The following COL23A1 variants were observed in gnomAD, a reference collection of about 807,000 sequenced individuals.
COL23A1 encodes collagen type XXIII alpha 1 chain.
A neutral mutation model predicts 99.3 loss-of-function variants in COL23A1; 97 were observed. The ratio of observed to expected loss-of-function variants is 0.98; its 90% CI spans 0.83 to 1.16. The LOEUF (loss-of-function observed/expected upper bound fraction) is 1.16. Among genes scored for constraint, COL23A1 ranks in the 50% most tolerant of loss-of-function variants. COL23A1 has a pLI of 0.00. For synonymous variants in COL23A1, 320 were observed against 308.2 expected, an observed-to-expected ratio of 1.04 and a Z score of -0.40; for missense variants, 762 against 757.4, an observed-to-expected ratio of 1.01 and a Z score of -0.07.
At chr5:178,349,788 G>A (rs992316737) in intron 2 of COL23A1, among the ~76,000 whole-genome samples, 1 of 152,204 alleles carries the variant, frequency 6.6e-6, no homozygotes, top group African/African-American at 2.4e-5. Context: ...GGGTGAGAGT[G>A]GGGGGAGGTC....
intron 1 of COL23A1, among the ~76,000 whole-genome samples, chr5:178,585,270 C>A (rs903090285): frequency 3.3e-5 from 5 of 152,148 alleles, no homozygotes; most frequent in Non-Finnish European, 5.9e-5. Flanking sequence ...CAGAAACATT[C>A]CATGGCCCCA....
At chr5:178,350,554 C>T (rs954440610) in intron 2 of COL23A1, among the ~76,000 whole-genome samples, 9 of 152,194 alleles carry the variant, frequency 5.9e-5, no homozygotes, top group Admixed American at 3.9e-4. Flanking sequence ...GCACAGGTAG[C>T]GTGTGGCTGC....
intron 2 of COL23A1, among the ~76,000 whole-genome samples, chr5:178,467,982 T>A (rs1252164842): frequency 6.6e-6 from 1 of 152,044 alleles, no homozygotes; most frequent in Non-Finnish European, 1.5e-5. Context: ...CTGACACCAC[T>A]GAGAAGGAAC....
chr5:178,459,622 C>T (rs1176404561), intron 2 of COL23A1, among the ~76,000 whole-genome samples: 2 of 152,066 alleles, frequency 1.3e-5, no homozygotes, highest in South Asian at 4.2e-4. Context: ...CTTAGTCGGG[C>T]GTGGTGGCGT....
At position 178,387,814 on chromosome 5, in the gene COL23A1, TCC is replaced by T. The variant is rs1271729907; in HGVS notation, c.362-80897_362-80896del. ...GCTTGCGGAGTTTCCCACTCCTCTG[TCC>T]CCCAGCTTTTATACTCAGGAAGGAA... On this transcript the variant is annotated intron_variant, in intron 2 of 28. Transcript: ENST00000390654. The surrounding 1 kb of genome is among the most constrained non-coding windows in gnomAD (Gnocchi z 4.7). 6.6e-6 allele frequency among the ~76,000 whole-genome samples: 1 copy of T among 152,036 alleles called. No individual in the cohort carries two copies. The highest frequency in any genetic ancestry group is 1.5e-5 in the Non-Finnish European group (1 of 68,010).
At chr5:178,403,987 T>C (rs1764614051) in intron 2 of COL23A1, among the ~76,000 whole-genome samples, 1 of 152,102 alleles carries the variant, frequency 6.6e-6, no homozygotes, top group Non-Finnish European at 1.5e-5. Flanking sequence ...GTTCAAAGGA[T>C]CTTTTCTGGC....
chr5:178,345,521 C>T (rs1200459666), intron 2 of COL23A1, among the ~76,000 whole-genome samples: 1 of 146,322 alleles, frequency 6.8e-6, no homozygotes, highest in Non-Finnish European at 1.5e-5. Context: ...TTGCTGACAC[C>T]ATTTTTTTTT....
At chr5:178,256,040 A>G (rs549943441) in intron 15 of COL23A1, among the ~76,000 whole-genome samples, 1 of 152,234 alleles carries the variant, frequency 6.6e-6, no homozygotes, top group East Asian at 1.9e-4. Context: ...TACGACAAAC[A>G]GAGGACCTGT....
At chr5:178,353,595 C>T (rs530739217) in intron 2 of COL23A1, among the ~76,000 whole-genome samples, 43 of 152,268 alleles carry the variant, frequency 2.8e-4, no homozygotes, top group African/African-American at 8.7e-4. Context: ...CATAGAGAAT[C>T]GCAAATGACC....
intron 5 of COL23A1, among the ~76,000 whole-genome samples, chr5:178,271,813 G>T (rs1460978458): frequency 6.6e-6 from 1 of 152,224 alleles, no homozygotes; most frequent in South Asian, 2.1e-4. Flanking sequence ...GTGTGTGTGT[G>T]GGGGCGGGGA....
intron 1 of COL23A1, among the ~76,000 whole-genome samples, chr5:178,581,175 G>C (rs532797626): frequency 6.6e-6 from 1 of 152,286 alleles, no homozygotes; most frequent in East Asian, 1.9e-4. Context: ...AATCCACGTT[G>C]CCCATTATAA....
chr5:178,565,985 G>A (rs372904162), intron 1 of COL23A1, among the ~76,000 whole-genome samples: 2 of 150,978 alleles, frequency 1.3e-5, no homozygotes, highest in African/African-American at 4.9e-5. Flanking sequence ...AAAATTAGCC[G>A]GGCGTAGTGG....
rs564511086 is a variant in COL23A1, at chr5:178,256,329, C to G, written c.882+24G>C. ...GGCCCCTAGATCTCATCCCTGAGGC[C>G]TCGCCTGAGGGGCGGCAGCTTACCC... is the stretch of plus-strand genomic sequence containing the variant. On this transcript the variant is annotated intron_variant, in intron 15 of 28. Transcript: ENST00000390654. 8 of 1,582,498 alleles carry G rather than the reference C, an allele frequency of 5.1e-6. No individual in the cohort carries two copies. The African/African-American group carries it at 9.4e-5, about 19-fold the overall frequency.
intron 1 of COL23A1, among the ~76,000 whole-genome samples, chr5:178,569,759 T>C (rs957442992): frequency 2.0e-5 from 3 of 152,146 alleles, no homozygotes; most frequent in Non-Finnish European, 4.4e-5. Context: ...GAAGGCCTCA[T>C]TCTCTTGCTG....
chr5:178,376,341 T>C (rs868677963), intron 2 of COL23A1, among the ~76,000 whole-genome samples: 4 of 152,242 alleles, frequency 2.6e-5, no homozygotes, highest in Admixed American at 1.3e-4. Flanking sequence ...TGTCTTCACA[T>C]CTCTGAGAAG....
At chr5:178,326,067 A>C (rs901144891) in intron 2 of COL23A1, among the ~76,000 whole-genome samples, 1 of 152,144 alleles carries the variant, frequency 6.6e-6, no homozygotes, top group Non-Finnish European at 1.5e-5. Context: ...AATAAGCTCC[A>C]TGTGTGTGGG....
chr5:178,518,789 G>A (rs1759762655), intron 2 of COL23A1, among the ~76,000 whole-genome samples: 1 of 149,954 alleles, frequency 6.7e-6, no homozygotes, highest in Non-Finnish European at 1.5e-5. Flanking sequence ...GGCCAAGGCA[G>A]GCGGCTGCTC....
intron 1 of COL23A1, among the ~76,000 whole-genome samples, chr5:178,585,350 A>G (rs1763880051): frequency 6.6e-6 from 1 of 151,574 alleles, no homozygotes; most frequent in South Asian, 2.1e-4. Flanking sequence ...ACGCTCAGGT[A>G]ACACTCTATG....
chr5:178,582,966 C>T (rs1201508735), intron 1 of COL23A1, among the ~76,000 whole-genome samples: 1 of 152,230 alleles, frequency 6.6e-6, no homozygotes, highest in Non-Finnish European at 1.5e-5. Context: ...CCCTTTCACT[C>T]CCTTCTTCCC....
Sources: allele counts gnomAD v4.1 joint callset (sites outside exome capture counted in the v4.1 genomes callset), GRCh38; gene constraint gnomAD v4.1.1; non-coding constraint Gnocchi (gnomAD v3.1); transcripts MANE v1.5; gene names NCBI Gene and HGNC (gene_info 2026-07-23, HGNC 2026-07-21).